Variants in KANSL2 observed in about 807,000 individuals in gnomAD.
KANSL2 encodes the protein NSL complex protein NSL2.
KANSL2 carries 34 observed loss-of-function variants against 55.6 expected under a neutral mutation model. The ratio of observed to expected loss-of-function variants is 0.61; its 90% CI spans 0.46 to 0.81. The LOEUF is 0.81. Ranked by LOEUF, KANSL2 falls within the 40% of genes least tolerant of loss-of-function variation. The pLI, the probability that KANSL2 is intolerant of heterozygous loss-of-function variation, is 0.00. For synonymous variants in KANSL2, 209 were observed against 214.3 expected (o/e 0.98, Z 0.22); for missense variants, 502 against 609.9 (o/e 0.82, Z 1.86).
intron 9 of KANSL2, 63 bp downstream of exon 9, chr12:48,654,878 G>A: frequency 6.5e-7 from 1 of 1,533,222 alleles, no homozygotes; most frequent in Non-Finnish European, 8.8e-7. Context: ...CTATCTAGCA[G>A]GGAACCCTCT....
rs1939329351 is a variant in KANSL2 at position 48,654,014 on chromosome 12, T to C, written c.*30A>G. The C allele has an allele frequency of 6.5e-7, 1 of 1,548,996 alleles. No homozygotes were observed. On this transcript the variant is annotated 3_prime_UTR_variant, in exon 10 of 10. Coordinates refer to ENST00000420613, the MANE Select transcript of KANSL2 (RefSeq NM_017822.4). ...TTCTTTGAAGAACGAGAAATTTAAA[T>C]CCACCAAAGTAAAATGGTTCCCCAA...
intron 2 of KANSL2, 195 bp from the exon 3 acceptor site, chr12:48,680,028 G>A (rs1939891475): frequency 5.6e-6 from 3 of 535,180 alleles, no homozygotes; most frequent in South Asian, 4.6e-5. Flanking sequence ...TAACAGGACG[G>A]ATGAAGTGGT....
intron 4 of KANSL2, among the ~76,000 whole-genome samples, chr12:48,672,981 C>T (rs1337321130): frequency 6.6e-6 from 1 of 151,972 alleles, no homozygotes; most frequent in Non-Finnish European, 1.5e-5. Flanking sequence ...CTGGTCTTAA[C>T]TCCTGACCTC....
intron 8 of KANSL2, chr12:48,656,678 G>C (rs371935735): frequency 7.8e-6 from 4 of 512,398 alleles, no homozygotes; most frequent in African/African-American, 2.0e-5. Flanking sequence ...TTGGCAATTC[G>C]CACTGGAATA....
At chr12:48,681,266 A>G in intron 2 of KANSL2, 116 bp downstream of exon 2, 1 of 1,258,030 alleles carries the variant, frequency 7.9e-7, no homozygotes, top group South Asian at 1.6e-5. Flanking sequence ...GGATACAACC[A>G]TAACCCCAAA....
chr12:48,676,684 T>C (rs941994795), intron 4 of KANSL2, among the ~76,000 whole-genome samples: 1 of 151,658 alleles, frequency 6.6e-6, no homozygotes. Context: ...GAGGATTACA[T>C]GCGTAAGTCA....
chr12:48,654,093 C>A lies in KANSL2; in HGVS notation c.1430G>T (p.Ser477Ile). 1 of 1,612,812 alleles carries A rather than the reference C, an allele frequency of 6.2e-7. No individual in the cohort carries two copies. The change falls in exon 10 of 10, where the codon AGT becomes ATT. Residue 477 changes from serine to isoleucine, a missense_variant. Physicochemically the swap from Ser to Ile is moderately radical, Grantham distance 142. Coordinates refer to ENST00000420613, the MANE Select transcript of KANSL2 (RefSeq NM_017822.4). ...SEKASAPLSQ[S>I]GLATANGKPE... is the part of the protein sequence containing the mutation. ...CTTCCCATTTGCAGTAGCCAATCCACTCTGAGACAATGGTGCAGAGGCTTT... is the reference window on the plus strand; with the variant it reads ...CTTCCCATTTGCAGTAGCCAATCCAATCTGAGACAATGGTGCAGAGGCTTT...
intron 4 of KANSL2, among the ~76,000 whole-genome samples, chr12:48,673,776 C>T (rs1028190894): frequency 2.0e-5 from 3 of 151,850 alleles, no homozygotes; most frequent in Non-Finnish European, 4.4e-5. Flanking sequence ...CATGATAAAA[C>T]CCTGTCAATA....
intron 4 of KANSL2, among the ~76,000 whole-genome samples, chr12:48,678,406 C>G (rs1184308431): frequency 2.6e-5 from 4 of 152,032 alleles, no homozygotes; most frequent in Non-Finnish European, 5.9e-5. Flanking sequence ...ATCGGTTTCT[C>G]TTTCTTAGGC....
intron 7 of KANSL2, chr12:48,662,774 T>C: frequency 1.9e-6 from 1 of 517,910 alleles, no homozygotes; most frequent in East Asian, 9.9e-5. Context: ...AATTTTGCTT[T>C]ATATTTATAT....
chr12:48,679,668 G>A lies in KANSL2; in HGVS notation c.417C>T (p.Ala139=), dbSNP rs1410153448. ...GAAGGTCCTTACCTAGTATTCGGCT[G>A]GCTTCACTGCGACTACTTTCTGGAG... is the stretch of plus-strand genomic sequence containing the variant. The part of the protein sequence containing the change: ...SQTPESSRSE[A]SRILDEDSWS... Residue 139 remains alanine (A), a synonymous_variant, in exon 3 of 10, where the codon GCC becomes GCT. Coordinates refer to ENST00000420613, the MANE Select transcript of KANSL2 (RefSeq NM_017822.4). The A allele has an allele frequency of 2.5e-5, 40 of 1,613,352 alleles. No homozygotes were observed. The highest frequency in any genetic ancestry group is 1.6e-4 in the Middle Eastern group (1 of 6,082).
At chr12:48,654,836 G>T in intron 9 of KANSL2, 105 bp downstream of exon 9, 1 of 1,169,630 alleles carries the variant, frequency 8.5e-7, no homozygotes, top group Non-Finnish European at 1.2e-6. Flanking sequence ...TTATACTAGT[G>T]ATGACACCCC....
In KANSL2 at chr12:48,654,948, T is replaced by G. The variant is rs374488532; in HGVS notation, c.1340A>C (p.Asp447Ala). 2.2e-5 allele frequency: 35 copies of G among 1,565,588 alleles called. No individual in the cohort carries two copies. Among genetic ancestry groups the G allele is most frequent in the Non-Finnish European group, 2.9e-5 (34 of 1,154,898 alleles). Residue 447 changes from aspartate (D) to alanine (A), a missense_variant, in exon 9 of 10, where the codon GAT (aspartate) becomes GCT (alanine). Transcript: ENST00000420613. The part of the protein sequence containing the change: ...LVKEIAEDPV[D>A]ILGQMQMAGD... ...GGACTGTTCTTCACTTGCCAAAATA[T>G]CCACTGGGTCTTCAGCAATTTCTTT...
chr12:48,681,464 G>C lies in KANSL2; in HGVS notation c.169C>G (p.Pro57Ala). The C allele has an allele frequency of 1.2e-6, 2 of 1,613,880 alleles. No individual in the cohort carries two copies. The highest frequency in any genetic ancestry group is 4.5e-5 in the East Asian group (2 of 44,880). The change falls in exon 2 of 10, where the codon CCC becomes GCC. Residue 57 changes from proline to alanine, a missense_variant. Pro to Ala is a conservative substitution (Grantham distance 27, BLOSUM62 -1). Transcript: ENST00000420613. ...IKHILEDKNA[P>A]FKQCSYISTK... ...GATATATAACTACACTGCTTGAAGGGTGCATTCTTGTCTTCAAGGATATGC... is the reference window on the plus strand; with the variant it reads ...GATATATAACTACACTGCTTGAAGGCTGCATTCTTGTCTTCAAGGATATGC...
At chr12:48,681,359 C>T (rs752449460) in intron 2 of KANSL2, 23 bp downstream of exon 2, 24 of 1,579,960 alleles carry the variant, frequency 1.5e-5, no homozygotes, top group Non-Finnish European at 1.9e-5. Context: ...AGAAAAACGA[C>T]ATATATATCT....
Position 48,657,959 on chromosome 12 carries a change from G to A in KANSL2, c.1227+2407C>T, listed in dbSNP as rs146904239. 2.1e-3 allele frequency among the ~76,000 whole-genome samples: 326 copies of A among 152,226 alleles called. 3 individuals carry two copies. Among genetic ancestry groups the A allele is most frequent in the African/African-American group, 7.4e-3 (309 of 41,554 alleles). ...TAAACAATTAGCTTGGAATGGGCACGGTGGCTCACGCCTGTAATCCTAGCA... is the reference window on the plus strand; with the variant it reads ...TAAACAATTAGCTTGGAATGGGCACAGTGGCTCACGCCTGTAATCCTAGCA... On this transcript the variant is annotated intron_variant, in intron 8 of 9. Coordinates refer to ENST00000420613, the MANE Select transcript of KANSL2 (RefSeq NM_017822.4).
intron 4 of KANSL2, among the ~76,000 whole-genome samples, chr12:48,677,703 T>C (rs1222238990): frequency 7.0e-6 from 1 of 142,082 alleles, no homozygotes; most frequent in Non-Finnish European, 1.5e-5. Flanking sequence ...GAGAATTGCT[T>C]GAACCTGGGA....
chr12:48,666,036 C>A (rs1030246472), intron 7 of KANSL2, among the ~76,000 whole-genome samples: 4 of 151,270 alleles, frequency 2.6e-5, no homozygotes, highest in Admixed American at 1.3e-4. Flanking sequence ...AACATAGTGA[C>A]ACAACCTCTC....
chr12:48,681,043 G>A (rs1939915806), intron 2 of KANSL2, among the ~76,000 whole-genome samples: 2 of 151,288 alleles, frequency 1.3e-5, no homozygotes, highest in Admixed American at 6.6e-5. Flanking sequence ...CACTCTGGGA[G>A]GCCGAGATGG....
Sources: gnomAD v4.1 joint callset for allele counts (sites outside exome capture counted in the v4.1 genomes callset) on GRCh38, gnomAD v4.1.1 for gene constraint, MANE v1.5 for transcripts, NCBI Gene and HGNC (gene_info 2026-07-23, HGNC 2026-07-21) for gene names.